PPP2R5A: variants seen among roughly 807,000 people sequenced by gnomAD.
The protein encoded by PPP2R5A is protein phosphatase 2 regulatory subunit B'alpha, also known as serine/threonine-protein phosphatase 2A 56 kDa regulatory subunit alpha isoform.
PPP2R5A carries 25 observed loss-of-function variants against 64.2 expected under a neutral mutation model. That is an observed-to-expected ratio of 0.39 (90% CI 0.28 to 0.54). PPP2R5A has a LOEUF of 0.54. Ranked by LOEUF, PPP2R5A falls within the 20% of genes least tolerant of loss-of-function variation. The probability of loss-of-function intolerance (pLI) is 0.67; values close to 1 mark genes in which losing one functional copy is unlikely to be tolerated. For synonymous variants in PPP2R5A, 198 were observed against 201.2 expected (o/e 0.98, Z 0.13); for missense variants, 425 against 576.3 (o/e 0.74, Z 2.69).
chr1:212,308,960 C>T, intron 1 of PPP2R5A: 1 of 580,292 alleles, frequency 1.7e-6, no homozygotes, highest in Non-Finnish European at 3.0e-6. Context: ...TTATGATATT[C>T]TCTGTTTGAT....
Position 212,333,525 on chromosome 1 carries a change from C to T in PPP2R5A, c.407C>T (p.Pro136Leu). The T allele has an allele frequency of 1.2e-6, 2 of 1,600,020 alleles. No homozygotes were observed. Among genetic ancestry groups the T allele is most frequent in the Non-Finnish European group, 1.7e-6 (2 of 1,171,700 alleles). Residue 136 changes from proline (P) to leucine (L), a missense_variant, in exon 3 of 13, where the codon CCT becomes CTT. Physicochemically the swap from Pro to Leu is moderately conservative, Grantham distance 98 (BLOSUM62 -3). Transcript: ENST00000261461. The part of the protein sequence containing the change: ...MISANIFRTL[P>L]PSDNPDFDPE... ...AGTGCTAACATCTTCCGTACACTTC[C>T]TCCAAGTGATAATCCAGATTTTGAT... is the stretch of plus-strand genomic sequence containing the variant.
intron 1 of PPP2R5A, among the ~76,000 whole-genome samples, chr1:212,322,049 G>A (rs1366406199): frequency 2.0e-5 from 3 of 151,408 alleles, no homozygotes; most frequent in Non-Finnish European, 4.4e-5. Context: ...CCAGTCAGGC[G>A]TGGCGGCGCG....
Position 212,297,112 on chromosome 1 carries a change from TTTTTTTTTTTTTTTTTTTTTTTTTTTG to T in PPP2R5A, c.181+10822_181+10848del, listed in dbSNP as rs1480377015. 9.7e-3 allele frequency among the ~76,000 whole-genome samples: 147 copies of T among 15,212 alleles called. 4 individuals are homozygous for T. The highest frequency in any genetic ancestry group is 0.045 in the African/African-American group (123 of 2,752). The allele number at this position is 15,212 out of a possible 152,430, so 10.0% of individuals were successfully genotyped here. A position where few individuals can be genotyped will look rare whatever the true frequency, so the allele number is the denominator to read the frequency against. ...TTGCTTCTTCTTTTTTTTTTTTTTTTTTTTTTTTTTTTTTTTTTTTTTTTTTGGAGACGGAGTCTCACTCTATCGCCC... is the reference window on the plus strand; with the variant it reads ...TTGCTTCTTCTTTTTTTTTTTTTTTTGAGACGGAGTCTCACTCTATCGCCC... On this transcript the variant is annotated intron_variant, in intron 1 of 12. Transcript: ENST00000261461.
At chr1:212,351,102 C>CAAAAAAAA (rs58625826) in intron 8 of PPP2R5A, among the ~76,000 whole-genome samples, 3 of 103,866 alleles carry the variant, frequency 2.9e-5, no homozygotes, top group Admixed American at 1.0e-4. Flanking sequence ...CGAGATGACA[C>CAAAAAAAA]AAAAAAAAAA....
At chr1:212,297,142 GACGGAGTCTC>G (rs1658712397) in intron 1 of PPP2R5A, among the ~76,000 whole-genome samples, 1 of 92,872 alleles carries the variant, frequency 1.1e-5, no homozygotes, top group Non-Finnish European at 2.1e-5. Flanking sequence ...TTTTTTTGGA[GACGGAGTCTC>G]ACTCTATCGC....
intron 1 of PPP2R5A, among the ~76,000 whole-genome samples, chr1:212,290,368 A>G: frequency 6.6e-6 from 1 of 152,234 alleles, no homozygotes; most frequent in Middle Eastern, 3.2e-3. Flanking sequence ...TCTCAAAGTT[A>G]CTATCATTCC....
At chr1:212,321,688 C>G (rs1403645669) in intron 1 of PPP2R5A, among the ~76,000 whole-genome samples, 1 of 147,094 alleles carries the variant, frequency 6.8e-6, no homozygotes, top group Admixed American at 6.6e-5. Context: ...GGCAGAGACA[C>G]TCCTCACTTT....
At chr1:212,317,018 T>A (rs1020685468) in intron 1 of PPP2R5A, among the ~76,000 whole-genome samples, 1 of 152,204 alleles carries the variant, frequency 6.6e-6, no homozygotes, top group Admixed American at 6.5e-5. Flanking sequence ...CATGTCTTAA[T>A]CCTTTCCACT....
intron 4 of PPP2R5A, among the ~76,000 whole-genome samples, chr1:212,343,342 A>T (rs757644306): frequency 7.2e-5 from 11 of 152,206 alleles, no homozygotes; most frequent in Non-Finnish European, 1.6e-4. Context: ...AGGCCTGAGT[A>T]TGCAGGCCTC....
intron 1 of PPP2R5A, among the ~76,000 whole-genome samples, chr1:212,317,580 C>T (rs1659181353): frequency 6.6e-6 from 1 of 151,964 alleles, no homozygotes; most frequent in African/African-American, 2.4e-5. Context: ...GCAATACACT[C>T]TGATTTTTTT....
chr1:212,328,310 G>T (rs1360089966), intron 1 of PPP2R5A, among the ~76,000 whole-genome samples: 1 of 151,978 alleles, frequency 6.6e-6, no homozygotes, highest in Admixed American at 6.6e-5. Context: ...GCAAGAGTTT[G>T]TCTCAAAAAA....
chr1:212,323,230 C>G (rs1480079755), intron 1 of PPP2R5A, among the ~76,000 whole-genome samples: 1 of 152,160 alleles, frequency 6.6e-6, no homozygotes, highest in Non-Finnish European at 1.5e-5. Flanking sequence ...TGCCTGATAG[C>G]ATTACTTTCT....
chr1:212,303,692 G>T lies in PPP2R5A; in HGVS notation c.181+17401G>T, dbSNP rs576893880. 2.6e-5 allele frequency among the ~76,000 whole-genome samples: 4 copies of T among 151,904 alleles called. 1 individual carries two copies. Among genetic ancestry groups the T allele is most frequent in the African/African-American group, 9.7e-5 (4 of 41,418 alleles). Reference sequence around the variant, plus strand: ...TTTAACCTTTACATTTAGGTCTTTGGCCATTTTTAGTTAATTTTTATATAG... The same window carrying T: ...TTTAACCTTTACATTTAGGTCTTTGTCCATTTTTAGTTAATTTTTATATAG... On this transcript the variant is annotated intron_variant, in intron 1 of 12. Transcript: ENST00000261461.
At chr1:212,321,975 T>TCC (rs1659305807) in intron 1 of PPP2R5A, among the ~76,000 whole-genome samples, 1 of 151,870 alleles carries the variant, frequency 6.6e-6, no homozygotes, top group African/African-American at 2.4e-5. Flanking sequence ...CACTCGCGGT[T>TCC]AGGAGCTGGA....
At chr1:212,295,339 T>C (rs113832654) in intron 1 of PPP2R5A, among the ~76,000 whole-genome samples, 97 of 152,284 alleles carry the variant, frequency 6.4e-4, no homozygotes, top group African/African-American at 2.2e-3. Flanking sequence ...TAGCAGTTTA[T>C]TGAAAGGGAA....
chr1:212,331,028 TGTG>T (rs1239516354), intron 2 of PPP2R5A, among the ~76,000 whole-genome samples: 3 of 151,620 alleles, frequency 2.0e-5, no homozygotes, highest in East Asian at 1.9e-4. Flanking sequence ...ATTAGCCAGG[TGTG>T]GTGGTGGGCG....
In PPP2R5A at chr1:212,354,285, G is replaced by A. The variant is rs377730034; in HGVS notation, c.928-2341G>A. Among the ~76,000 whole-genome samples, 696 of 151,034 alleles carry A rather than the reference G, an allele frequency of 4.6e-3. 3 individuals carry two copies. The highest frequency in any genetic ancestry group is 7.5e-3 in the Non-Finnish European group (509 of 67,684). ...GTAATCCCAGCTACTTGGGAGGCTGGGGTAGGGGGATCTCTTGAGCCTAGG... is the reference window on the plus strand; with the variant it reads ...GTAATCCCAGCTACTTGGGAGGCTGAGGTAGGGGGATCTCTTGAGCCTAGG... On this transcript the variant is annotated intron_variant, in intron 8 of 12. Coordinates refer to ENST00000261461, the MANE Select transcript of PPP2R5A (RefSeq NM_006243.4).
At chr1:212,348,961 A>C (rs1211564002) in intron 7 of PPP2R5A, among the ~76,000 whole-genome samples, 2 of 152,178 alleles carry the variant, frequency 1.3e-5, no homozygotes, top group Non-Finnish European at 2.9e-5. Flanking sequence ...ACTACTAAAA[A>C]TGTTTTTTAA....
At chr1:212,323,379 G>A (rs907490097) in intron 1 of PPP2R5A, among the ~76,000 whole-genome samples, 2 of 152,184 alleles carry the variant, frequency 1.3e-5, no homozygotes, top group South Asian at 2.1e-4. Context: ...AAGTACTAAC[G>A]TTAGCAGTAG....
Sources: gnomAD v4.1 joint callset for allele counts (sites outside exome capture counted in the v4.1 genomes callset) on GRCh38, gnomAD v4.1.1 for gene constraint, MANE v1.5 for transcripts, NCBI Gene and HGNC (gene_info 2026-07-23, HGNC 2026-07-21) for gene names.